The following TRPM3 variants were observed in gnomAD, a reference collection of about 807,000 sequenced individuals.
The protein encoded by TRPM3 is transient receptor potential cation channel subfamily M member 3, also known as long transient receptor potential channel 3.
A neutral mutation model predicts 181.2 loss-of-function variants in TRPM3; 77 were observed. The ratio of observed to expected loss-of-function variants is 0.42; its 90% confidence interval spans 0.35 to 0.51. The LOEUF (loss-of-function observed/expected upper bound fraction) is 0.51, where lower values mean the gene tolerates loss of function less well. TRPM3 is among the 20% of genes least tolerant of loss of function. TRPM3 has a pLI of 0.01. For synonymous variants in TRPM3, 745 were observed against 796.4 expected (o/e 0.94, Z 1.09); for missense variants, 1,759 against 2,196.7 (o/e 0.80, Z 3.98).
intron 18 of TRPM3, among the ~76,000 whole-genome samples, chr9:70,612,957 C>T (rs2062202018): frequency 6.6e-6 from 1 of 152,154 alleles, no homozygotes; most frequent in South Asian, 2.1e-4. Context: ...GGGATGGTGA[C>T]TTTCCCAACA....
rs774041182 is a variant in TRPM3 at position 70,625,218 on chromosome 9, G to C, written c.1782C>G (p.Leu594=). The C allele has an allele frequency of 6.2e-7, 1 of 1,614,090 alleles. No individual in the cohort carries two copies. The highest frequency in any genetic ancestry group is 1.1e-5 in the South Asian group (1 of 91,052). ...TCTTGGGGCCGAAGAGGTTGTGGTA[G>C]AGGGTCCGGAAGCGCTTGCGCGTGT... ...CNYTRKRFRT[L]YHNLFGPKRP... The change falls in exon 14 of 26, where the codon CTC becomes CTG. Residue 594 remains leucine (L), a synonymous_variant. Coordinates refer to ENST00000677713, the MANE Select transcript of TRPM3 (RefSeq NM_001366145.2). This position sits in a 1 kb window ranked among gnomAD's most constrained non-coding sequence, Gnocchi z 4.8.
chr9:70,617,833 C>G (rs1156370610), intron 17 of TRPM3, among the ~76,000 whole-genome samples: 1 of 152,110 alleles, frequency 6.6e-6, no homozygotes, highest in Non-Finnish European at 1.5e-5. Context: ...GGCATGGTGG[C>G]TTGTGCCTAT....
At chr9:71,028,615 A>G (rs1055305710) in intron 1 of TRPM3, among the ~76,000 whole-genome samples, 5 of 151,972 alleles carry the variant, frequency 3.3e-5, no homozygotes, top group Non-Finnish European at 5.9e-5. Context: ...AGGGATCATG[A>G]AAAATCTACC....
chr9:71,003,191 C>T (rs2097630789), intron 1 of TRPM3, among the ~76,000 whole-genome samples: 1 of 55,010 alleles, frequency 1.8e-5, no homozygotes, highest in Admixed American at 2.8e-4. Flanking sequence ...TTTCCCTTGC[C>T]TTAAAAAAAA....
Position 70,899,967 on chromosome 9 carries a change from A to G in TRPM3, c.178-35456T>C, listed in dbSNP as rs143490247. On this transcript the variant is annotated intron_variant, in intron 1 of 25. Coordinates refer to ENST00000677713, the MANE Select transcript of TRPM3 (RefSeq NM_001366145.2). The stretch of plus-strand genomic sequence containing the variant: ...TGCTTTAAAATATTTGTAAAAAAAT[A>G]TAAGAATAAGCACTGCACAAACTCT... Among the ~76,000 whole-genome samples, 13 of 152,356 alleles carry G rather than the reference A, an allele frequency of 8.5e-5. No homozygotes were observed. The East Asian group carries it at 2.5e-3, about 29-fold the overall frequency.
intron 1 of TRPM3, among the ~76,000 whole-genome samples, chr9:70,905,282 A>G (rs2096446380): frequency 1.3e-5 from 2 of 152,240 alleles, no homozygotes; most frequent in Admixed American, 1.3e-4. Context: ...GATACCAAAT[A>G]CACATTGACA....
At chr9:70,905,530 T>G (rs1564730025) in intron 1 of TRPM3, among the ~76,000 whole-genome samples, 1 of 152,178 alleles carries the variant, frequency 6.6e-6, no homozygotes, top group South Asian at 2.1e-4. Context: ...TTTTTCAAAA[T>G]AAAATATATT....
intron 6 of TRPM3, among the ~76,000 whole-genome samples, chr9:70,791,569 A>G (rs1237259708): frequency 1.3e-5 from 2 of 152,132 alleles, no homozygotes; most frequent in South Asian, 2.1e-4. Context: ...TCTATGTACA[A>G]TCTTTTCATA....
intron 1 of TRPM3, among the ~76,000 whole-genome samples, chr9:71,155,614 C>T (rs1273236055): frequency 2.0e-5 from 3 of 151,778 alleles, no homozygotes; most frequent in Non-Finnish European, 4.4e-5. Flanking sequence ...CTCAGCCTCC[C>T]AAAGTGCTAG....
In TRPM3 at chr9:70,532,874, G is replaced by A. The variant is rs1476746190; in HGVS notation, c.*3079C>T. On this transcript the variant is annotated 3_prime_UTR_variant, in exon 26 of 26. Coordinates refer to ENST00000677713, the MANE Select transcript of TRPM3 (RefSeq NM_001366145.2). Reference sequence around the variant, plus strand: ...GGTGGAATCAATGGGCTGAGCATAAGCTGACTGCACAAGGCCACAGAATCA... The same window carrying A: ...GGTGGAATCAATGGGCTGAGCATAAACTGACTGCACAAGGCCACAGAATCA... 6.6e-6 allele frequency: 1 copy of A among 152,194 alleles called. No individual in the cohort carries two copies. The highest frequency in any genetic ancestry group is 1.5e-5 in the Non-Finnish European group (1 of 68,044). The allele number at this position is 152,194 out of a possible 1,614,324, so 9.4% of individuals were successfully genotyped here.
intron 1 of TRPM3, among the ~76,000 whole-genome samples, chr9:71,218,677 T>A (rs1680312748): frequency 6.6e-6 from 1 of 152,236 alleles, no homozygotes; most frequent in African/African-American, 2.4e-5. Flanking sequence ...GACTACCTAT[T>A]ATGCACAAGT....
intron 1 of TRPM3, among the ~76,000 whole-genome samples, chr9:71,144,666 A>G (rs117365181): frequency 6.6e-6 from 1 of 152,180 alleles, no homozygotes; most frequent in Non-Finnish European, 1.5e-5. Flanking sequence ...CTTACTTGAC[A>G]TATCAGCAGA....
intron 1 of TRPM3, among the ~76,000 whole-genome samples, chr9:70,952,444 A>G (rs1470383527): frequency 6.6e-6 from 1 of 152,160 alleles, no homozygotes; most frequent in Non-Finnish European, 1.5e-5. Context: ...TAATATAGAG[A>G]ATGCACAATT....
intron 9 of TRPM3, among the ~76,000 whole-genome samples, chr9:70,659,513 T>C (rs1203831087): frequency 6.6e-6 from 1 of 152,146 alleles, no homozygotes; most frequent in Non-Finnish European, 1.5e-5. Context: ...TAAAAAATAA[T>C]TATTCTTGCA....
upstream of TRPM3, chr9:71,121,702 T>C: frequency 1.0e-6 from 1 of 985,678 alleles, no homozygotes; most frequent in Non-Finnish European, 1.2e-6. Context: ...TTTGCTAGCT[T>C]GGTTTGGGGG....
intron 1 of TRPM3, among the ~76,000 whole-genome samples, chr9:71,233,973 C>T (rs1397284079): frequency 1.3e-5 from 2 of 152,152 alleles, no homozygotes; most frequent in Non-Finnish European, 2.9e-5. Context: ...AAATTGTTCC[C>T]AGACTTAGTA....
chr9:70,745,305 T>C (rs1454315955), intron 8 of TRPM3, among the ~76,000 whole-genome samples: 1 of 152,156 alleles, frequency 6.6e-6, no homozygotes, highest in Non-Finnish European at 1.5e-5. Flanking sequence ...AAATTGACTA[T>C]AAAGACTGCA....
At chr9:70,538,130 A>G (rs1373773075) in intron 25 of TRPM3, among the ~76,000 whole-genome samples, 1 of 152,182 alleles carries the variant, frequency 6.6e-6, no homozygotes, top group Admixed American at 6.5e-5. Flanking sequence ...AGATTGCATA[A>G]AGCAATTTGT....
intron 24 of TRPM3, among the ~76,000 whole-genome samples, chr9:70,550,889 G>A (rs1315259469): frequency 6.6e-6 from 1 of 152,196 alleles, no homozygotes; most frequent in Non-Finnish European, 1.5e-5. Context: ...AGGAAGACCT[G>A]TATCACAGGG....
Sources: allele counts gnomAD v4.1 joint callset (sites outside exome capture counted in the v4.1 genomes callset), GRCh38; gene constraint gnomAD v4.1.1; non-coding constraint Gnocchi (gnomAD v3.1); transcripts MANE v1.5; gene names NCBI Gene and HGNC (gene_info 2026-07-23, HGNC 2026-07-21).